LMX1B: variants seen among roughly 807,000 people sequenced by gnomAD.
LMX1B encodes the protein LIM homeobox transcription factor 1 beta.
A neutral mutation model predicts 51.4 loss-of-function variants in LMX1B; 12 were observed. The ratio of observed to expected loss-of-function variants is 0.23; its 90% CI spans 0.15 to 0.38. LMX1B has a LOEUF of 0.38. Ranked by LOEUF, LMX1B falls within the 10% of genes least tolerant of loss-of-function variation. LMX1B has a pLI of 1.00. For synonymous variants in LMX1B, 237 were observed against 235.4 expected, an observed-to-expected ratio of 1.01 and a Z score of -0.06; for missense variants, 445 against 571.1, an observed-to-expected ratio of 0.78 and a Z score of 2.25.
At position 126,614,408 on chromosome 9, in the gene LMX1B, G is replaced by T; in HGVS notation, c.-42G>T. The T allele has an allele frequency of 1.4e-6, 2 of 1,403,956 alleles. No individual in the cohort carries two copies. The highest frequency in any genetic ancestry group is 6.4e-5 in the East Asian group (2 of 31,138). The allele number at this position is 1,403,956 out of a possible 1,614,324, so 87.0% of individuals were successfully genotyped here. A position where few individuals can be genotyped will look rare whatever the true frequency, so the allele number is the denominator to read the frequency against. Reference sequence around the variant, plus strand: ...AGAGCGGGTGGACGGGCCGGCGGGCGAGCAGCCCGGCCGGCGGGGTCCGCA... The same window carrying T: ...AGAGCGGGTGGACGGGCCGGCGGGCTAGCAGCCCGGCCGGCGGGGTCCGCA... On this transcript the variant is annotated 5_prime_UTR_variant, in exon 1 of 8. Coordinates refer to ENST00000373474, the MANE Select transcript of LMX1B (RefSeq NM_001174147.2).
intron 2 of LMX1B, among the ~76,000 whole-genome samples, chr9:126,664,624 C>T (rs35243297): frequency 0.1 from 15,450 of 152,242 alleles, 984 homozygotes; most frequent in Middle Eastern, 0.24. Context: ...GCTTGTAATC[C>T]CAGCACTTTG....
At chr9:126,687,241 T>G (rs1255760354) in intron 2 of LMX1B, among the ~76,000 whole-genome samples, 1 of 151,882 alleles carries the variant, frequency 6.6e-6, no homozygotes, top group African/African-American at 2.4e-5. Flanking sequence ...TTTTTATATA[T>G]TTTTTGAGAC....
At position 126,677,747 on chromosome 9, in the gene LMX1B, C is replaced by T. The variant is rs550627668; in HGVS notation, c.327-13089C>T. Among the ~76,000 whole-genome samples the T allele has an allele frequency of 6.6e-6, 1 of 152,262 alleles. No homozygotes were observed. The highest frequency in any genetic ancestry group is 2.4e-5 in the African/African-American group (1 of 41,552). On this transcript the variant is annotated intron_variant, in intron 2 of 7. Transcript: ENST00000373474. The surrounding 1 kb of genome is among the most constrained non-coding windows in gnomAD (Gnocchi z 5.0). ...GAGCGTCTGCCAGCTTCATTCACAGCCTGCGTTCAAACATTCGAGCAGGAG... is the reference window on the plus strand; with the variant it reads ...GAGCGTCTGCCAGCTTCATTCACAGTCTGCGTTCAAACATTCGAGCAGGAG...
intron 2 of LMX1B, among the ~76,000 whole-genome samples, chr9:126,634,050 A>G (rs946732010): frequency 2.0e-5 from 3 of 152,092 alleles, no homozygotes; most frequent in Admixed American, 1.3e-4. Context: ...TGTTTGGGGA[A>G]GGCAGGAGGG....
At chr9:126,661,761 C>T (rs1836251203) in intron 2 of LMX1B, among the ~76,000 whole-genome samples, 1 of 152,116 alleles carries the variant, frequency 6.6e-6, no homozygotes, top group African/African-American at 2.4e-5. Flanking sequence ...GCTTGGCCTG[C>T]CCCTCTCTAT....
intron 2 of LMX1B, among the ~76,000 whole-genome samples, chr9:126,689,156 G>C (rs2030019921): frequency 6.6e-6 from 1 of 152,244 alleles, no homozygotes; most frequent in Non-Finnish European, 1.5e-5. Context: ...TGCAGGATGA[G>C]TAGGAGCCTG....
intron 2 of LMX1B, among the ~76,000 whole-genome samples, chr9:126,665,719 G>C (rs1327422356): frequency 1.3e-5 from 2 of 152,212 alleles, no homozygotes; most frequent in Non-Finnish European, 2.9e-5. Context: ...GAGAATCGCT[G>C]GCCTTTGAAC....
intron 2 of LMX1B, among the ~76,000 whole-genome samples, chr9:126,636,996 G>A (rs1025743997): frequency 1.2e-4 from 19 of 152,206 alleles, no homozygotes; most frequent in African/African-American, 2.2e-4. Flanking sequence ...GGTAGGCAGC[G>A]GTTGGCCTGG....
At chr9:126,666,008 G>A (rs1344056937) in intron 2 of LMX1B, among the ~76,000 whole-genome samples, 4 of 152,250 alleles carry the variant, frequency 2.6e-5, no homozygotes, top group African/African-American at 9.6e-5. Context: ...CAGCTCCTAC[G>A]CAGAGGTTCC....
At chr9:126,640,447 T>C (rs1213041121) in intron 2 of LMX1B, among the ~76,000 whole-genome samples, 1 of 152,192 alleles carries the variant, frequency 6.6e-6, no homozygotes, top group Non-Finnish European at 1.5e-5. Context: ...GACCTGTATC[T>C]GAGGGCAGGG....
chr9:126,663,573 T>C (rs899052489), intron 2 of LMX1B, among the ~76,000 whole-genome samples: 1 of 152,218 alleles, frequency 6.6e-6, no homozygotes, highest in Non-Finnish European at 1.5e-5. Flanking sequence ...ATGCGGATAA[T>C]AGTAACCCTT....
At position 126,696,022 on chromosome 9, in the gene LMX1B, A is replaced by ACCCCCCC; in HGVS notation, c.1051+22_1051+23insCCCCCCC. ...CCCTATGGTAAGCCGCCCTACCCCC[A>ACCCCCCC]CCCGCCCGCCCCAGCACAGCCCCTG... On this transcript the variant is annotated intron_variant, in intron 7 of 7. Transcript: ENST00000373474. 1.9e-6 allele frequency: 1 copy of ACCCCCCC among 523,604 alleles called. No homozygotes were observed. The allele number at this position is 523,604 out of a possible 1,614,324, so 32.4% of individuals were successfully genotyped here. A position where few individuals can be genotyped will look rare whatever the true frequency, so the allele number is the denominator to read the frequency against.
In LMX1B at chr9:126,664,601, C is replaced by T. The variant is rs186390788; in HGVS notation, c.327-26235C>T. The stretch of plus-strand genomic sequence containing the variant: ...TTAATAAATGCACAAGTTGGCTGGG[C>T]GCGGTGGCTCACGCTTGTAATCCCA... On this transcript the variant is annotated intron_variant, in intron 2 of 7. Transcript: ENST00000373474. Among the ~76,000 whole-genome samples, 1,344 of 152,280 alleles carry T rather than the reference C, an allele frequency of 8.8e-3. 14 individuals carry two copies. Among genetic ancestry groups the T allele is most frequent in the Non-Finnish European group, 0.015 (1,038 of 68,026 alleles).
At chr9:126,651,447 G>A (rs1295549184) in intron 2 of LMX1B, among the ~76,000 whole-genome samples, 1 of 152,100 alleles carries the variant, frequency 6.6e-6, no homozygotes, top group Admixed American at 6.5e-5. Flanking sequence ...GAGACTGCAG[G>A]GTTGTCTCAA....
chr9:126,674,284 C>T (rs1304530416), intron 2 of LMX1B, among the ~76,000 whole-genome samples: 1 of 152,132 alleles, frequency 6.6e-6, no homozygotes, highest in African/African-American at 2.4e-5. Context: ...ACACCATGCC[C>T]TGTGGAAGCT....
Position 126,614,151 on chromosome 9 carries a change from C to G in LMX1B, c.-299C>G, listed in dbSNP as rs1349046549. ...CGCCGCCTCCTCCCCGCGGCTCCGT[C>G]TGCAGCAGCCGCCGCCGCCGGGTTC... On this transcript the variant is annotated 5_prime_UTR_variant, in exon 1 of 8. Transcript: ENST00000373474. 2.1e-5 allele frequency among the ~76,000 whole-genome samples: 3 copies of G among 144,562 alleles called. No homozygotes were observed. The highest frequency in any genetic ancestry group is 4.6e-5 in the Non-Finnish European group (3 of 65,230). 94.8% of individuals were successfully genotyped at this position (144,562 alleles called of 152,430 possible). A position where few individuals can be genotyped will look rare whatever the true frequency, so the allele number is the denominator to read the frequency against.
In LMX1B at chr9:126,692,524, C is replaced by T. The variant is rs527818474; in HGVS notation, c.560-618C>T. ...CTGTCCAGATGCATGCATGCCTGTA[C>T]GTTCCTGCCCGTGAGCATGGGCCCA... On this transcript the variant is annotated intron_variant, in intron 3 of 7. Coordinates refer to ENST00000373474, the MANE Select transcript of LMX1B (RefSeq NM_001174147.2). Among the ~76,000 whole-genome samples the T allele has an allele frequency of 2.6e-5, 4 of 152,338 alleles. No individual in the cohort carries two copies. The South Asian group carries it at 6.2e-4, about 24-fold the overall frequency.
At chr9:126,639,362 C>T (rs1176876318) in intron 2 of LMX1B, among the ~76,000 whole-genome samples, 1 of 152,180 alleles carries the variant, frequency 6.6e-6, no homozygotes, top group African/African-American at 2.4e-5. Context: ...TCTGTCTGGC[C>T]TGGAGCAGGT....
intron 2 of LMX1B, among the ~76,000 whole-genome samples, chr9:126,638,964 G>A (rs1835763098): frequency 6.6e-6 from 1 of 152,088 alleles, no homozygotes; most frequent in Non-Finnish European, 1.5e-5. Flanking sequence ...GGGGCGGATA[G>A]CCGGGCTCTA....
Sources: allele counts gnomAD v4.1 joint callset (sites outside exome capture counted in the v4.1 genomes callset), GRCh38; gene constraint gnomAD v4.1.1; non-coding constraint Gnocchi (gnomAD v3.1); transcripts MANE v1.5; gene names NCBI Gene and HGNC (gene_info 2026-07-23, HGNC 2026-07-21).